The following POM121 variants were observed in gnomAD, a reference collection of about 807,000 sequenced individuals.
POM121 encodes the protein nuclear envelope pore membrane protein POM 121.
In POM121, 32 loss-of-function variants were observed where a neutral mutation model predicts 81.3. The observed-to-expected ratio is 0.39, with a 90% CI of 0.30 to 0.53. POM121 has a LOEUF of 0.53. POM121 is among the 20% of genes least tolerant of loss of function. POM121 has a pLI of 0.66. For missense variants in POM121, 1,138 were observed against 1,614.6 expected (o/e 0.70, Z 5.06); for synonymous variants, 514 against 694.2 (o/e 0.74, Z 4.08).
In POM121 at chr7:72,947,854, G is replaced by A. The variant is rs553478657; in HGVS notation, c.*1620G>A. 855 of 988,886 alleles carry A rather than the reference G, an allele frequency of 8.6e-4. 25 individuals carry two copies. The African/African-American group carries it at 0.014, about 16-fold the overall frequency. The allele number at this position is 988,886 out of a possible 1,614,324, so 61.3% of individuals were successfully genotyped here. A position where few individuals can be genotyped will look rare whatever the true frequency, so the allele number is the denominator to read the frequency against. On this transcript the variant is annotated 3_prime_UTR_variant, in exon 13 of 13. Transcript: ENST00000434423. ...TAAATGTAACTGGTGCCCCCTCCCC[G>A]ATGTGACTGAGGGTGAGTGAGTGGT...
chr7:72,935,042 CA>C (rs1192083787), intron 5 of POM121, among the ~76,000 whole-genome samples: 2,758 of 132,852 alleles, frequency 0.021, 53 homozygotes, highest in African/African-American at 0.062. Context: ...TCAATTTCCA[CA>C]AAAAAAAAAA....
exon 1 of POM121, chr7:72,879,691 G>C (rs1461058570): frequency 4.6e-6 from 2 of 434,476 alleles, no homozygotes. Context: ...GTGAGCCCCA[G>C]GGAGGCGGAT....
In POM121 at chr7:72,925,133, G is replaced by T; in HGVS notation, c.12G>T (p.Ala4=). 1.4e-6 allele frequency: 2 copies of T among 1,436,648 alleles called. No homozygotes were observed. Among genetic ancestry groups the T allele is most frequent in the Non-Finnish European group, 1.8e-6 (2 of 1,107,898 alleles). 89.0% of individuals were successfully genotyped at this position (1,436,648 alleles called of 1,614,324 possible). A position where few individuals can be genotyped will look rare whatever the true frequency, so the allele number is the denominator to read the frequency against. The change falls in exon 1 of 13, where the codon GCG becomes GCT. Residue 4 remains alanine (A), a synonymous_variant. Transcript: ENST00000434423. MSP[A]AAAAGAGERR... ...GGCGCGGAGCCGCGATGTCTCCGGC[G>T]GCTGCGGCGGCTGGAGCAGGCGAGC...
intron 4 of POM121, chr7:72,913,879 G>A (rs549734373): frequency 1.3e-5 from 2 of 152,322 alleles, no homozygotes; most frequent in South Asian, 2.1e-4. Context: ...AGCAGATGCT[G>A]TTTTCTGCAG....
upstream of POM121, among the ~76,000 whole-genome samples, chr7:72,923,283 TC>T (rs1351748218): frequency 6.6e-6 from 1 of 152,068 alleles, no homozygotes; most frequent in African/African-American, 2.4e-5. Flanking sequence ...AACTTTTCTA[TC>T]CCCCTAAACA....
At chr7:72,923,267 C>G (rs1388976612), upstream of POM121, among the ~76,000 whole-genome samples, 2 of 152,096 alleles carry the variant, frequency 1.3e-5, no homozygotes, top group African/African-American at 4.8e-5. Context: ...GCATCTATAC[C>G]TTTCCAACTT....
rs547650712 is a variant in POM121, at chr7:72,929,969, C to G, written c.1133C>G (p.Ser378Cys). The stretch of plus-strand genomic sequence containing the variant: ...GGGTCTCTGAAGAGAGGCCTCAATT[C>G]TCAGAGCTCAGATGACCACTTGAAT... ...KPGSLKRGLNSQSSDDHLNKR... is the reference protein window; with the variant it reads ...KPGSLKRGLNCQSSDDHLNKR... Residue 378 changes from serine to cysteine, a missense_variant, in exon 5 of 13, where the codon TCT (serine) becomes TGT (cysteine). This residue lies in a region of POM121 where 646 missense variants were observed against 633.5 expected (regional missense o/e 1.02). Coordinates refer to ENST00000434423, the MANE Select transcript of POM121 (RefSeq NM_001387691.1). 1.1e-5 allele frequency: 17 copies of G among 1,612,168 alleles called. No homozygotes were observed. In the African/African-American group the frequency reaches 2.1e-4, roughly 20 times the overall value.
Position 72,926,285 on chromosome 7 carries a change from G to T in POM121, c.668G>T (p.Arg223Leu), listed in dbSNP as rs782804137. ...AGGGATTGTGGGACTTTACCAAATC[G>T]GTTTGTAATAACACCTAGAAGACGC... ...SPRDCGTLPNRFVITPRRRYP... is the reference protein window; with the variant it reads ...SPRDCGTLPNLFVITPRRRYP... Residue 223 changes from arginine to leucine, a missense_variant, in exon 2 of 13, where the codon CGG (arginine) becomes CTG (leucine). Physicochemically the swap from Arg to Leu is moderately radical, Grantham distance 102. Transcript: ENST00000434423. 3.2e-6 allele frequency: 5 copies of T among 1,568,392 alleles called. No homozygotes were observed. Among genetic ancestry groups the T allele is most frequent in the Admixed American group, 3.8e-5 (2 of 52,278 alleles).
chr7:72,941,048 G>A (rs1797011190), intron 10 of POM121, 55 bp downstream of exon 10: 5 of 1,611,110 alleles, frequency 3.1e-6, no homozygotes, highest in Non-Finnish European at 4.2e-6. Flanking sequence ...CCCGGCTTGA[G>A]TTGGAATAAG....
intron 3 of POM121, among the ~76,000 whole-genome samples, chr7:72,898,415 TGTTA>T (rs1289205573): frequency 7.9e-5 from 12 of 151,948 alleles, no homozygotes; most frequent in African/African-American, 2.4e-4. Context: ...TAGTTTGAGG[TGTTA>T]GTTAGATATC....
Position 72,946,569 on chromosome 7 carries a change from C to T in POM121, c.*335C>T, listed in dbSNP as rs368288273. The T allele has an allele frequency of 9.4e-7, 1 of 1,059,692 alleles. No homozygotes were observed. Among genetic ancestry groups the T allele is most frequent in the East Asian group, 7.3e-5 (1 of 13,642 alleles). 65.6% of individuals were successfully genotyped at this position (1,059,692 alleles called of 1,614,324 possible). On this transcript the variant is annotated 3_prime_UTR_variant, in exon 13 of 13. Coordinates refer to ENST00000434423, the MANE Select transcript of POM121 (RefSeq NM_001387691.1). ...CACCCTTAGGCAGGCGCCCCTTCCA[C>T]CTTTCCCCGAGACCGTCGTCGCTGG... is the stretch of plus-strand genomic sequence containing the variant.
chr7:72,927,067 G>A (rs1586152223), intron 3 of POM121, 104 bp downstream of exon 3: 2 of 1,553,378 alleles, frequency 1.3e-6, no homozygotes, highest in Non-Finnish European at 1.8e-6. Context: ...CAGTTTATGA[G>A]CCTTCGTAGG....
At chr7:72,937,341 G>A (rs1340451579) in intron 5 of POM121, among the ~76,000 whole-genome samples, 1 of 151,822 alleles carries the variant, frequency 6.6e-6, no homozygotes, top group Non-Finnish European at 1.5e-5. Context: ...TGAAAATGCC[G>A]CTTATATATT....
intron 11 of POM121, among the ~76,000 whole-genome samples, chr7:72,945,365 C>T (rs1345492244): frequency 6.6e-6 from 1 of 151,572 alleles, no homozygotes; most frequent in Admixed American, 6.6e-5. Flanking sequence ...TTTTCTCTGC[C>T]CTGGCGTGGC....
At chr7:72,938,528 T>G in intron 5 of POM121, 62 bp from the exon 6 acceptor site, 2 of 1,514,958 alleles carry the variant, frequency 1.3e-6, no homozygotes, top group Non-Finnish European at 1.8e-6. Context: ...AGAGACTTTG[T>G]CGTGTTGAGG....
rs115394698 is a variant in POM121, at chr7:72,928,557, G to A, written c.1103+92G>A. On this transcript the variant is annotated intron_variant, in intron 4 of 12. Transcript: ENST00000434423. ...CTATAGATTTTCCTCTTTGTTTTTT[G>A]CATTGCTTAATTGGTTCAGGTTCAC... 1.7e-3 allele frequency: 2,544 copies of A among 1,464,986 alleles called. 46 individuals carry two copies. The African/African-American group carries it at 0.032, about 19-fold the overall frequency. 90.7% of individuals were successfully genotyped at this position (1,464,986 alleles called of 1,614,324 possible). A position where few individuals can be genotyped will look rare whatever the true frequency, so the allele number is the denominator to read the frequency against.
At chr7:72,926,619 C>A in intron 2 of POM121, 142 bp downstream of exon 2, 1 of 1,490,014 alleles carries the variant, frequency 6.7e-7, no homozygotes, top group Non-Finnish European at 9.0e-7. Flanking sequence ...CTAGTAAACC[C>A]TTTTGTTTTT....
intron 11 of POM121, among the ~76,000 whole-genome samples, chr7:72,945,232 G>A (rs1797556477): frequency 6.6e-6 from 1 of 152,142 alleles, no homozygotes; most frequent in Non-Finnish European, 1.5e-5. Flanking sequence ...ACGGTGGCTG[G>A]GGGAAAAGGC....
At position 72,926,845 on chromosome 7, in the gene POM121, A is replaced by G. The variant is rs782404585; in HGVS notation, c.904A>G (p.Asn302Asp). 1.9e-6 allele frequency: 3 copies of G among 1,613,906 alleles called. No homozygotes were observed. Reference sequence around the variant, plus strand: ...CTCAACACTGTCCTCACCATCAAGTAACGCCCCAGACCCATGTGCAAAGGA... The same window carrying G: ...CTCAACACTGTCCTCACCATCAAGTGACGCCCCAGACCCATGTGCAAAGGA... ...ISSTLSSPSSNAPDPCAKETV... is the reference protein window; with the variant it reads ...ISSTLSSPSSDAPDPCAKETV... Residue 302 changes from asparagine to aspartate, a missense_variant, in exon 3 of 13, where the codon AAC becomes GAC. By Grantham distance (23) the Asn-to-Asp change is conservative. Transcript: ENST00000434423.
Sources: gnomAD v4.1 joint callset for allele counts (sites outside exome capture counted in the v4.1 genomes callset) on GRCh38, gnomAD v4.1.1 for gene constraint, gnomAD v4.1.1 regional missense constraint, MANE v1.5 for transcripts, NCBI Gene and HGNC (gene_info 2026-07-23, HGNC 2026-07-21) for gene names.